The following DARS2 variants were observed in gnomAD, a reference collection of about 807,000 sequenced individuals.
DARS2 encodes aspartate--tRNA ligase, mitochondrial.
DARS2 carries 63 observed loss-of-function variants against 83.0 expected under a neutral mutation model. The ratio of observed to expected loss-of-function variants is 0.76; its 90% CI spans 0.62 to 0.94. The LOEUF (loss-of-function observed/expected upper bound fraction) is 0.94, where lower values mean the gene tolerates loss of function less well. Among genes scored for constraint, DARS2 ranks in the 40% least tolerant of loss-of-function variants. DARS2 has a pLI of 0.00. For missense variants in DARS2, 675 were observed against 774.4 expected (o/e 0.87, Z 1.52); for synonymous variants, 250 against 269.3 (o/e 0.93, Z 0.70).
chr1:173,833,639 T>A lies in DARS2; in HGVS notation c.616+140T>A. On this transcript the variant is annotated intron_variant, in intron 6 of 16. Transcript: ENST00000649689. ...AATTCACTCAATGTGTAATGTAGTT[T>A]TTGAAGAAAAGTTAACATTATTTTA... The A allele has an allele frequency of 4.1e-6, 4 of 986,946 alleles. No individual in the cohort carries two copies. The South Asian group carries it at 5.9e-5, about 15-fold the overall frequency. The allele number at this position is 986,946 out of a possible 1,614,324, so 61.1% of individuals were successfully genotyped here. A position where few individuals can be genotyped will look rare whatever the true frequency, so the allele number is the denominator to read the frequency against.
intron 12 of DARS2, among the ~76,000 whole-genome samples, chr1:173,848,678 G>C (rs935262627): frequency 8.5e-5 from 13 of 152,174 alleles, no homozygotes; most frequent in Non-Finnish European, 1.5e-4. Context: ...TTATAGCAGA[G>C]CTGGTTTTTT....
chr1:173,832,513 G>A lies in DARS2; in HGVS notation c.493-863G>A, dbSNP rs568996460. On this transcript the variant is annotated intron_variant, in intron 5 of 16. Coordinates refer to ENST00000649689, the MANE Select transcript of DARS2 (RefSeq NM_018122.5). The stretch of plus-strand genomic sequence containing the variant: ...AGGCTGGGCATGGTGGCTCACACCT[G>A]TAATCCCAGCACTTTGGGAGGCCAA... Among the ~76,000 whole-genome samples, 6 of 152,288 alleles carry A rather than the reference G, an allele frequency of 3.9e-5. No homozygotes were observed. In the East Asian group the frequency reaches 9.6e-4, roughly 24 times the overall value.
intron 11 of DARS2, among the ~76,000 whole-genome samples, chr1:173,843,296 C>T (rs1438562036): frequency 6.6e-6 from 1 of 152,180 alleles, no homozygotes; most frequent in Non-Finnish European, 1.5e-5. Flanking sequence ...CGTGGTGGCT[C>T]ATGCCTGTAA....
intron 1 of DARS2, among the ~76,000 whole-genome samples, chr1:173,826,085 G>A (rs991611151): frequency 2.6e-5 from 4 of 151,778 alleles, no homozygotes; most frequent in Non-Finnish European, 4.4e-5. Flanking sequence ...TTAGCCGGGC[G>A]TGGTGGCGGG....
chr1:173,846,229 G>A (rs1267753221), intron 12 of DARS2, among the ~76,000 whole-genome samples: 5 of 152,156 alleles, frequency 3.3e-5, no homozygotes, highest in African/African-American at 1.2e-4. Flanking sequence ...ACTTTGAGAG[G>A]CTGATGCAGG....
intron 9 of DARS2, among the ~76,000 whole-genome samples, chr1:173,838,759 AG>A (rs1442750236): frequency 2.6e-5 from 4 of 152,044 alleles, no homozygotes; most frequent in African/African-American, 9.7e-5. Context: ...TTTTTGAGAC[AG>A]AGTCTCGCTC....
Position 173,840,948 on chromosome 1 carries a change from A to G in DARS2, c.1103A>G (p.Lys368Arg). The G allele has an allele frequency of 6.2e-7, 1 of 1,609,712 alleles. No individual in the cohort carries two copies. Among genetic ancestry groups the G allele is most frequent in the Non-Finnish European group, 8.5e-7 (1 of 1,175,944 alleles). ...CTTAGTAAGCCCCATGGAACTGTGA[A>G]AGCCATATGTATCCCTGAAGGAGCA... ...DALSKPHGTV[K>R]AICIPEGAKY... is the part of the protein sequence containing the mutation. Residue 368 changes from lysine to arginine, a missense_variant, in exon 11 of 17, where the codon AAA becomes AGA. Coordinates refer to ENST00000649689, the MANE Select transcript of DARS2 (RefSeq NM_018122.5).
At chr1:173,834,345 G>C in intron 6 of DARS2, 128 bp from the exon 7 acceptor site, 1 of 722,950 alleles carries the variant, frequency 1.4e-6, no homozygotes, top group Non-Finnish European at 2.5e-6. Context: ...CAGTAGGCTT[G>C]GTAGCTTATT....
chr1:173,829,767 G>A (rs945962503), intron 3 of DARS2, among the ~76,000 whole-genome samples: 1 of 152,048 alleles, frequency 6.6e-6, no homozygotes, highest in Non-Finnish European at 1.5e-5. Context: ...AATTTAGCCG[G>A]GTGTGGTGGC....
chr1:173,854,142 A>T (rs900512616), intron 15 of DARS2, among the ~76,000 whole-genome samples: 28 of 151,836 alleles, frequency 1.8e-4, no homozygotes, highest in Non-Finnish European at 4.0e-4. Context: ...TGCCCGGCAA[A>T]TTTTTTTATT....
At chr1:173,854,136 C>T (rs1043050327) in intron 15 of DARS2, among the ~76,000 whole-genome samples, 9 of 152,040 alleles carry the variant, frequency 5.9e-5, no homozygotes, top group East Asian at 1.9e-4. Context: ...CCACCATGCC[C>T]GGCAAATTTT....
intron 8 of DARS2, among the ~76,000 whole-genome samples, chr1:173,837,540 C>T (rs1439646829): frequency 6.6e-6 from 1 of 152,040 alleles, no homozygotes; most frequent in Non-Finnish European, 1.5e-5. Context: ...GTATCCATGG[C>T]ACAGTAAAGA....
intron 15 of DARS2, among the ~76,000 whole-genome samples, chr1:173,856,108 G>T (rs767299242): frequency 4.6e-5 from 7 of 152,062 alleles, no homozygotes; most frequent in Non-Finnish European, 8.8e-5. Context: ...TAAGCATAAG[G>T]CTTTGGCCTC....
rs778418949 is a variant in DARS2 at position 173,857,721 on chromosome 1, C to T, written c.*16C>T. ...AGCTCATTGAATCATGCATACCATGCAGAAAGTTGAGCTTTTAGGTTTTGT... is the reference window on the plus strand; with the variant it reads ...AGCTCATTGAATCATGCATACCATGTAGAAAGTTGAGCTTTTAGGTTTTGT... On this transcript the variant is annotated 3_prime_UTR_variant, in exon 17 of 17. Transcript: ENST00000649689. 13 of 1,613,886 alleles carry T rather than the reference C, an allele frequency of 8.1e-6. No homozygotes were observed. Among genetic ancestry groups the T allele is most frequent in the African/African-American group, 4.0e-5 (3 of 74,924 alleles).
chr1:173,850,234 G>GGGAACC (rs1653597528), intron 12 of DARS2, 93 bp from the exon 13 acceptor site: 2 of 1,351,672 alleles, frequency 1.5e-6, no homozygotes, highest in African/African-American at 3.0e-5. Context: ...CTCTTCTATT[G>GGGAACC]GGAACCGGAA....
At position 173,858,071 on chromosome 1, in the gene DARS2, G is replaced by A. The variant is rs777034042; in HGVS notation, c.*366G>A. 3 of 278,778 alleles carry A rather than the reference G, an allele frequency of 1.1e-5. No homozygotes were observed. The highest frequency in any genetic ancestry group is 2.1e-5 in the Non-Finnish European group (3 of 141,924). 17.3% of individuals were successfully genotyped at this position (278,778 alleles called of 1,614,324 possible). A position where few individuals can be genotyped will look rare whatever the true frequency, so the allele number is the denominator to read the frequency against. On this transcript the variant is annotated 3_prime_UTR_variant, in exon 17 of 17. Transcript: ENST00000649689. ...GTAATCAAATTATGTGTGAAATGTA[G>A]GAAAATGCTTGCCCCTGTAAACTAG...
At chr1:173,855,246 C>T (rs6695782) in intron 15 of DARS2, among the ~76,000 whole-genome samples, 6 of 151,660 alleles carry the variant, frequency 4.0e-5, no homozygotes, top group Admixed American at 6.6e-5. Flanking sequence ...TGGGATTACA[C>T]GTGCGCACTA....
chr1:173,853,855 C>A lies in DARS2; in HGVS notation c.1624C>A (p.Arg542=). ...NGNEIGGGSI[R]IHNAELQRYI... Reference sequence around the variant, plus strand: ...CAATGAAATAGGAGGTGGTTCAATTCGAATTCACAATGCAGAGCTGCAGCG... The same window carrying A: ...CAATGAAATAGGAGGTGGTTCAATTAGAATTCACAATGCAGAGCTGCAGCG... Residue 542 remains arginine, a synonymous_variant, in exon 15 of 17, where the codon CGA becomes AGA. Coordinates refer to ENST00000649689, the MANE Select transcript of DARS2 (RefSeq NM_018122.5). 6.2e-7 allele frequency: 1 copy of A among 1,614,136 alleles called. No homozygotes were observed. The highest frequency in any genetic ancestry group is 8.5e-7 in the Non-Finnish European group (1 of 1,180,034).
chr1:173,828,195 A>G, intron 2 of DARS2, 138 bp from the exon 3 acceptor site: 1 of 882,686 alleles, frequency 1.1e-6, no homozygotes, highest in Non-Finnish European at 1.8e-6. Context: ...CATAAAAAAC[A>G]TGAAAAATTA....
Sources: gnomAD v4.1 joint callset for allele counts (sites outside exome capture counted in the v4.1 genomes callset) on GRCh38, gnomAD v4.1.1 for gene constraint, MANE v1.5 for transcripts, NCBI Gene and HGNC (gene_info 2026-07-23, HGNC 2026-07-21) for gene names.